DPP10: variants seen among roughly 807,000 people sequenced by gnomAD.
DPP10 encodes the protein dipeptidyl peptidase like 10.
Under a neutral mutation model 120.9 loss-of-function variants are expected in DPP10, and 33 were observed. The ratio of observed to expected loss-of-function variants is 0.27; its 90% CI spans 0.21 to 0.37. The LOEUF (loss-of-function observed/expected upper bound fraction) is 0.37, where lower values mean the gene tolerates loss of function less well. DPP10 is among the 10% of genes least tolerant of loss of function. The probability of loss-of-function intolerance (pLI) is 1.00; values close to 1 mark genes in which losing one functional copy is unlikely to be tolerated. For synonymous variants in DPP10, 337 were observed against 326.1 expected, an observed-to-expected ratio of 1.03 and a Z score of -0.36; for missense variants, 816 against 942.8, an observed-to-expected ratio of 0.87 and a Z score of 1.76.
intron 1 of DPP10, among the ~76,000 whole-genome samples, chr2:114,834,888 GTATATATAAGCCATATCTACA>G (rs1687559591): frequency 1.4e-5 from 2 of 145,560 alleles, no homozygotes; most frequent in African/African-American, 5.4e-5. Context: ...ACACAACTAT[GTATATATAAGCCATATCTACA>G]CACCTATGTA....
intron 1 of DPP10, among the ~76,000 whole-genome samples, chr2:114,651,613 G>T (rs1374021400): frequency 6.6e-6 from 1 of 152,048 alleles, no homozygotes; most frequent in Non-Finnish European, 1.5e-5. Flanking sequence ...AAAACTGGTT[G>T]CATGTTAAAA....
rs1484501306 is a variant in DPP10 at position 115,204,913 on chromosome 2, A to G, written c.61-104326A>G. 2.0e-5 allele frequency among the ~76,000 whole-genome samples: 3 copies of G among 152,030 alleles called. No individual in the cohort carries two copies. In the East Asian group the frequency reaches 5.8e-4, roughly 29 times the overall value. On this transcript the variant is annotated intron_variant, in intron 1 of 25. Transcript: ENST00000410059. ...GTATTCTGTTGAGAAATGTCTGTTC[A>G]TGTCCTTTGCCCATTTTTTAATGGG...
intron 1 of DPP10, among the ~76,000 whole-genome samples, chr2:114,959,637 TAAGG>T (rs1698464642): frequency 6.6e-6 from 1 of 152,216 alleles, no homozygotes; most frequent in African/African-American, 2.4e-5. Context: ...TTTAACATGT[TAAGG>T]AACCGCCAAA....
In DPP10 at chr2:115,063,785, T is replaced by C. The variant is rs60150060; in HGVS notation, c.61-245454T>C. 7.6e-3 allele frequency among the ~76,000 whole-genome samples: 1,151 copies of C among 152,312 alleles called. 11 individuals are homozygous for C. Among genetic ancestry groups the C allele is most frequent in the African/African-American group, 0.026 (1,100 of 41,560 alleles). On this transcript the variant is annotated intron_variant, in intron 1 of 25. Coordinates refer to ENST00000410059, the MANE Select transcript of DPP10 (RefSeq NM_020868.6). The stretch of plus-strand genomic sequence containing the variant: ...ATTAACTCAAGATGGATTAAAGACT[T>C]AATGTAAAATCCCAAACTATAAAAA...
intron 1 of DPP10, among the ~76,000 whole-genome samples, chr2:115,088,812 A>C (rs1236056480): frequency 2.0e-5 from 3 of 151,082 alleles, no homozygotes; most frequent in African/African-American, 7.3e-5. Flanking sequence ...ATTTTTTAAA[A>C]AATATAATGA....
At chr2:114,694,376 G>A (rs1411552585) in intron 1 of DPP10, among the ~76,000 whole-genome samples, 10 of 151,900 alleles carry the variant, frequency 6.6e-5, no homozygotes, top group Non-Finnish European at 1.5e-4. Context: ...AGTTGATGAA[G>A]CAAGTATTCT....
intron 1 of DPP10, among the ~76,000 whole-genome samples, chr2:114,684,556 G>T (rs1045854789): frequency 2.0e-5 from 3 of 151,944 alleles, no homozygotes; most frequent in Non-Finnish European, 4.4e-5. Flanking sequence ...GTCCCTGGTT[G>T]GGTAAGAAAC....
chr2:115,310,861 C>A (rs1281501254), intron 2 of DPP10, among the ~76,000 whole-genome samples: 1 of 152,172 alleles, frequency 6.6e-6, no homozygotes, highest in Non-Finnish European at 1.5e-5. Context: ...ATGTCATAAT[C>A]CCTGTGTATT....
chr2:114,883,771 G>A lies in DPP10; in HGVS notation c.61-425468G>A, dbSNP rs553342691. On this transcript the variant is annotated intron_variant, in intron 1 of 25. Coordinates refer to ENST00000410059, the MANE Select transcript of DPP10 (RefSeq NM_020868.6). ...CACCTGGGCTCGGGCTGGGTTCTGA[G>A]ATGGCCTCACTCACAGGTCTGGCAT... is the stretch of plus-strand genomic sequence containing the variant. 2.6e-5 allele frequency among the ~76,000 whole-genome samples: 4 copies of A among 152,300 alleles called. No individual in the cohort carries two copies. In the South Asian group the frequency reaches 8.3e-4, roughly 32 times the overall value.
intron 1 of DPP10, among the ~76,000 whole-genome samples, chr2:114,904,755 A>G (rs1262610672): frequency 6.6e-6 from 1 of 152,242 alleles, no homozygotes; most frequent in Non-Finnish European, 1.5e-5. Context: ...ATGAGTAGAT[A>G]GAACAATTTG....
intron 5 of DPP10, among the ~76,000 whole-genome samples, chr2:115,592,300 A>G (rs1410626392): frequency 2.0e-5 from 3 of 152,170 alleles, no homozygotes; most frequent in Non-Finnish European, 4.4e-5. Flanking sequence ...AGAGAAAGGA[A>G]GAGGCTTGAC....
chr2:115,553,893 C>A (rs1184996005), intron 5 of DPP10, among the ~76,000 whole-genome samples: 4 of 151,392 alleles, frequency 2.6e-5, no homozygotes, highest in Non-Finnish European at 4.4e-5. Flanking sequence ...AAATAAGTCA[C>A]TGAATTATTT....
At chr2:114,553,890 G>A (rs1364606792) in intron 1 of DPP10, among the ~76,000 whole-genome samples, 1 of 152,176 alleles carries the variant, frequency 6.6e-6, no homozygotes, top group Non-Finnish European at 1.5e-5. Flanking sequence ...TTCAGGATTG[G>A]AAATATCAGC....
chr2:115,555,415 A>C (rs1453288786), intron 5 of DPP10, among the ~76,000 whole-genome samples: 1 of 152,118 alleles, frequency 6.6e-6, no homozygotes, highest in Non-Finnish European at 1.5e-5. Flanking sequence ...ACTTTAACAA[A>C]GGATTATATA....
chr2:114,715,331 G>A (rs1202684386), intron 1 of DPP10, among the ~76,000 whole-genome samples: 1 of 152,026 alleles, frequency 6.6e-6, no homozygotes. Flanking sequence ...TAATGGCCAG[G>A]TTGTCAGTGG....
chr2:114,793,925 T>C (rs183674086), intron 1 of DPP10, among the ~76,000 whole-genome samples: 82 of 152,292 alleles, frequency 5.4e-4, no homozygotes, highest in Middle Eastern at 3.4e-3. Flanking sequence ...AGAGAGCAAA[T>C]ACAATACCTC....
intron 5 of DPP10, among the ~76,000 whole-genome samples, chr2:115,682,705 G>C (rs756332172): frequency 2.6e-5 from 4 of 151,736 alleles, no homozygotes; most frequent in Non-Finnish European, 4.4e-5. Context: ...ATGTTGTCCA[G>C]GTGATTTTTG....
At chr2:115,605,292 CTG>C (rs1447234986) in intron 5 of DPP10, among the ~76,000 whole-genome samples, 4 of 152,008 alleles carry the variant, frequency 2.6e-5, no homozygotes, top group Non-Finnish European at 5.9e-5. Flanking sequence ...AATGAGAAGA[CTG>C]TGAGCTAGAG....
chr2:115,559,449 G>A (rs1010260949), intron 5 of DPP10, among the ~76,000 whole-genome samples: 2 of 152,064 alleles, frequency 1.3e-5, no homozygotes, highest in Admixed American at 6.5e-5. Context: ...TTCTTAGTTT[G>A]ATATATTTGA....
Sources: gnomAD v4.1 joint callset for allele counts (sites outside exome capture counted in the v4.1 genomes callset) on GRCh38, gnomAD v4.1.1 for gene constraint, MANE v1.5 for transcripts, NCBI Gene and HGNC (gene_info 2026-07-23, HGNC 2026-07-21) for gene names.